The following SEMA6D variants were observed in gnomAD, a reference collection of about 807,000 sequenced individuals.
The protein encoded by SEMA6D is semaphorin-6D.
A neutral mutation model predicts 106.6 loss-of-function variants in SEMA6D; 35 were observed. The ratio of observed to expected loss-of-function variants is 0.33; its 90% CI spans 0.25 to 0.44. The LOEUF (loss-of-function observed/expected upper bound fraction) is 0.44. SEMA6D is among the 20% of genes least tolerant of loss of function. SEMA6D has a pLI of 1.00. For synonymous variants in SEMA6D, 499 were observed against 487.7 expected (o/e 1.02, Z -0.31); for missense variants, 1,185 against 1,345.9 (o/e 0.88, Z 1.87).
intron 3 of SEMA6D, among the ~76,000 whole-genome samples, chr15:47,513,172 AGTC>A (rs1402293679): frequency 7.2e-5 from 11 of 151,918 alleles, no homozygotes; most frequent in Admixed American, 7.2e-4. Flanking sequence ...GGGGAATAAC[AGTC>A]TTCTCCCTTG....
At chr15:47,598,862 A>G (rs571196630) in intron 3 of SEMA6D, among the ~76,000 whole-genome samples, 2 of 152,234 alleles carry the variant, frequency 1.3e-5, no homozygotes, top group Admixed American at 6.5e-5. Context: ...TATATATTAT[A>G]TACTAGTTTT....
intron 1 of SEMA6D, among the ~76,000 whole-genome samples, chr15:47,290,003 TTAAAAG>T (rs1043835254): frequency 3.3e-5 from 5 of 152,124 alleles, no homozygotes; most frequent in Non-Finnish European, 5.9e-5. Context: ...TTCAGTAATC[TTAAAAG>T]TAAAGAAAAA....
chr15:47,682,282 C>A (rs1236705228), intron 4 of SEMA6D, among the ~76,000 whole-genome samples: 1 of 152,080 alleles, frequency 6.6e-6, no homozygotes, highest in Non-Finnish European at 1.5e-5. Flanking sequence ...ATTCTGCTGC[C>A]TCAGCCTCCC....
chr15:47,770,819 A>C lies in SEMA6D; in HGVS notation c.2256A>C (p.Gly752=). 1.9e-6 allele frequency: 3 copies of C among 1,613,982 alleles called. No homozygotes were observed. Among genetic ancestry groups the C allele is most frequent in the Non-Finnish European group, 2.5e-6 (3 of 1,179,970 alleles). Residue 752 remains glycine (G), a synonymous_variant, in exon 19 of 19, where the codon GGA becomes GGC. Coordinates refer to ENST00000536845, the MANE Select transcript of SEMA6D (RefSeq NM_001358351.3). ...LTSRKELPPN[G]DTKSMVMDHR... The stretch of plus-strand genomic sequence containing the variant: ...GTCGGAAAGAGCTACCACCCAATGG[A>C]GATACTAAATCCATGGTAATGGACC...
At chr15:47,658,332 T>C (rs1344522971) in intron 4 of SEMA6D, among the ~76,000 whole-genome samples, 1 of 152,160 alleles carries the variant, frequency 6.6e-6, no homozygotes, top group Non-Finnish European at 1.5e-5. Context: ...CCTATGTGGC[T>C]ATAATATAAT....
chr15:47,730,364 A>G (rs925158494), intron 1 of SEMA6D: 3 of 1,442,798 alleles, frequency 2.1e-6, no homozygotes, highest in Non-Finnish European at 2.9e-6. Context: ...CCTGTGGACT[A>G]GACGTCCCAG....
intron 1 of SEMA6D, among the ~76,000 whole-genome samples, chr15:47,309,234 G>T (rs1322545468): frequency 6.6e-6 from 1 of 152,164 alleles, no homozygotes; most frequent in East Asian, 1.9e-4. Context: ...GGAAATTCCA[G>T]AAATAAACAA....
chr15:47,634,397 G>A (rs1401632920), intron 4 of SEMA6D, among the ~76,000 whole-genome samples: 6 of 152,122 alleles, frequency 3.9e-5, no homozygotes, highest in African/African-American at 1.2e-4. Flanking sequence ...GGAGAAGGAG[G>A]AGGAGGGCTG....
chr15:47,615,630 G>A (rs1461429236), intron 4 of SEMA6D, among the ~76,000 whole-genome samples: 1 of 152,046 alleles, frequency 6.6e-6, no homozygotes, highest in African/African-American at 2.4e-5. Flanking sequence ...AATACCCAAG[G>A]GTCACGAATT....
intron 2 of SEMA6D, among the ~76,000 whole-genome samples, chr15:47,418,258 G>A (rs895244448): frequency 1.3e-5 from 2 of 152,106 alleles, no homozygotes; most frequent in Non-Finnish European, 2.9e-5. Context: ...AGAATGGGTA[G>A]TATACTTGAA....
intron 2 of SEMA6D, among the ~76,000 whole-genome samples, chr15:47,438,945 G>A (rs932677394): frequency 6.6e-6 from 1 of 151,968 alleles, no homozygotes; most frequent in South Asian, 2.1e-4. Context: ...CAATCTCCCA[G>A]CAAATACCTT....
intron 1 of SEMA6D, among the ~76,000 whole-genome samples, chr15:47,735,018 A>T (rs1287054628): frequency 6.6e-6 from 1 of 152,154 alleles, no homozygotes; most frequent in Non-Finnish European, 1.5e-5. Flanking sequence ...ATTTCCCAGA[A>T]GAGACTTAAC....
chr15:47,731,542 A>G (rs992611096), intron 1 of SEMA6D, among the ~76,000 whole-genome samples: 2 of 152,232 alleles, frequency 1.3e-5, no homozygotes, highest in Admixed American at 6.5e-5. Context: ...GTACAGGTTG[A>G]TAAGTGTCTA....
intron 8 of SEMA6D, 22 bp downstream of exon 8, chr15:47,762,341 G>C (rs72735863): frequency 0.04 from 63,973 of 1,610,742 alleles, 1,460 homozygotes; most frequent in Non-Finnish European, 0.045. Flanking sequence ...GAGCAGTGTC[G>C]TGGGGTCACC....
At chr15:47,223,436 G>A (rs144918673) in intron 1 of SEMA6D, among the ~76,000 whole-genome samples, 1 of 152,120 alleles carries the variant, frequency 6.6e-6, no homozygotes, top group African/African-American at 2.4e-5. Context: ...TGAAGTTTGA[G>A]TTCTCTTCAT....
intron 18 of SEMA6D, among the ~76,000 whole-genome samples, chr15:47,769,215 A>G (rs1713347276): frequency 6.6e-6 from 1 of 152,226 alleles, no homozygotes; most frequent in African/African-American, 2.4e-5. Flanking sequence ...AAGCAATAAA[A>G]CATAACAGAG....
chr15:47,369,374 G>A (rs918286385), intron 1 of SEMA6D, among the ~76,000 whole-genome samples: 2 of 152,102 alleles, frequency 1.3e-5, no homozygotes, highest in Non-Finnish European at 2.9e-5. Context: ...AAATTTTCAA[G>A]GGGAAAAAGA....
At chr15:47,414,316 G>C (rs1195740527) in intron 2 of SEMA6D, among the ~76,000 whole-genome samples, 3 of 152,136 alleles carry the variant, frequency 2.0e-5, no homozygotes, top group African/African-American at 7.2e-5. Context: ...CTATACATAA[G>C]TCGTGGTTTC....
chr15:47,244,475 G>A (rs2033093590), intron 1 of SEMA6D, among the ~76,000 whole-genome samples: 1 of 152,088 alleles, frequency 6.6e-6, no homozygotes, highest in African/African-American at 2.4e-5. Flanking sequence ...TTACAGATAT[G>A]ATCTCATTTA....
Sources: allele counts gnomAD v4.1 joint callset (sites outside exome capture counted in the v4.1 genomes callset), GRCh38; gene constraint gnomAD v4.1.1; transcripts MANE v1.5; gene names NCBI Gene and HGNC (gene_info 2026-07-23, HGNC 2026-07-21).